Variants in DPEP1 observed in about 807,000 individuals in gnomAD.
DPEP1 encodes beta-lactamase.
A neutral mutation model predicts 42.3 loss-of-function variants in DPEP1; 50 were observed. The ratio of observed to expected loss-of-function variants is 1.18; its 90% CI spans 0.94 to 1.50. The LOEUF (loss-of-function observed/expected upper bound fraction) is 1.50, where lower values mean the gene tolerates loss of function less well. Ranked by LOEUF, DPEP1 falls within the 40% of genes most tolerant of loss-of-function variation. DPEP1 has a pLI of 0.00. For missense variants in DPEP1, 663 were observed against 553.0 expected, an observed-to-expected ratio of 1.20 and a Z score of -1.99; for synonymous variants, 297 against 234.0, an observed-to-expected ratio of 1.27 and a Z score of -2.46.
In DPEP1 at chr16:89,636,872, C is replaced by G; in HGVS notation, c.528C>G (p.Asp176Glu). Reference sequence around the variant, plus strand: ...CTGCCTTTTGCTTCTCCAGGGCTGACAACTGGCTGGTGGACACGGGAGACA... The same window carrying G: ...CTGCCTTTTGCTTCTCCAGGGCTGAGAACTGGCTGGTGGACACGGGAGACA... ...LTHSCNTPWA[D>E]NWLVDTGDSE... Residue 176 changes from aspartate (D) to glutamate (E), a missense_variant, in exon 6 of 11, where the codon GAC (aspartate) becomes GAG (glutamate). Coordinates refer to ENST00000690203, the MANE Select transcript of DPEP1 (RefSeq NM_001389466.1). 5.6e-6 allele frequency: 9 copies of G among 1,612,580 alleles called. No individual in the cohort carries two copies. Among genetic ancestry groups the G allele is most frequent in the Non-Finnish European group, 7.6e-6 (9 of 1,179,928 alleles).
rs1431457452 is a variant in DPEP1, at chr16:89,630,575, GCGGGGCTGGGGGAGC to G, written c.104+77_104+91del. On this transcript the variant is annotated intron_variant, in intron 2 of 10. Transcript: ENST00000690203. The stretch of plus-strand genomic sequence containing the variant: ...AGGACTGGGAACTGGGGCTGGGAGA[GCGGGGCTGGGGGAGC>G]CGGGGCTGGGGGAGCGGGGCTGGGG... The G allele has an allele frequency of 1.4e-4, 83 of 582,356 alleles. 1 individual carries two copies. The African/African-American group carries it at 1.9e-3, about 14-fold the overall frequency. The allele number at this position is 582,356 out of a possible 1,614,324, so 36.1% of individuals were successfully genotyped here. A position where few individuals can be genotyped will look rare whatever the true frequency, so the allele number is the denominator to read the frequency against.
chr16:89,614,577 G>A (rs1170074890), intron 1 of DPEP1, among the ~76,000 whole-genome samples: 4 of 152,210 alleles, frequency 2.6e-5, no homozygotes, highest in Admixed American at 1.3e-4. Context: ...GGCAGATCAT[G>A]AGGTCAGGAG....
chr16:89,636,430 G>C, intron 4 of DPEP1, 34 bp downstream of exon 4: 1 of 1,601,700 alleles, frequency 6.2e-7, no homozygotes, highest in Non-Finnish European at 8.5e-7. Context: ...CAGGTCCTGC[G>C]TCTTCTCACC....
rs745743065 is a variant in DPEP1, at chr16:89,637,626, G to A, written c.854-6G>A. On this transcript the variant is annotated splice_region_variant and splice_polypyrimidine_tract_variant and intron_variant, in intron 8 of 10. Coordinates refer to ENST00000690203, the MANE Select transcript of DPEP1 (RefSeq NM_001389466.1). ...TCGGGACCCATACCTGCTGCTCCCT[G>A]GACAGACCATCTGGATCACATCAAG... The A allele has an allele frequency of 6.2e-6, 10 of 1,612,904 alleles. No individual in the cohort carries two copies. The highest frequency in any genetic ancestry group is 8.5e-6 in the Non-Finnish European group (10 of 1,179,994).
intron 2 of DPEP1, among the ~76,000 whole-genome samples, chr16:89,633,860 A>C (rs2059622555): frequency 6.6e-6 from 1 of 152,036 alleles, no homozygotes; most frequent in South Asian, 2.1e-4. Context: ...CACCCTCACA[A>C]GGCAGTCCCC....
intron 1 of DPEP1, among the ~76,000 whole-genome samples, chr16:89,613,925 C>G (rs574396569): frequency 2.1e-5 from 1 of 46,764 alleles, no homozygotes; most frequent in South Asian, 5.0e-4. Context: ...TTCTAGGAGG[C>G]TGGGACCAGG....
intron 1 of DPEP1, among the ~76,000 whole-genome samples, chr16:89,616,392 C>A (rs74429256): frequency 6.6e-6 from 1 of 152,002 alleles, no homozygotes; most frequent in Non-Finnish European, 1.5e-5. Flanking sequence ...ATCGGACAGA[C>A]GGGCGGAAAG....
At chr16:89,624,294 C>T (rs1003286455) in intron 1 of DPEP1, among the ~76,000 whole-genome samples, 1 of 152,078 alleles carries the variant, frequency 6.6e-6, no homozygotes, top group East Asian at 1.9e-4. Context: ...GCACCAGCGT[C>T]TGCCTTTGGT....
rs765049159 is a variant in DPEP1, at chr16:89,636,938, G to A, written c.591+3G>A. On this transcript the variant is annotated splice_donor_region_variant and intron_variant, in intron 6 of 10. Coordinates refer to ENST00000690203, the MANE Select transcript of DPEP1 (RefSeq NM_001389466.1). ...AAGGCTTGTCACCCTTTGGGCAGGT[G>A]AGTGGGGTGGGAGCGGCCAGTCACC... 1.2e-6 allele frequency: 2 copies of A among 1,612,244 alleles called. No homozygotes were observed. Among genetic ancestry groups the A allele is most frequent in the Admixed American group, 1.7e-5 (1 of 60,004 alleles).
At chr16:89,636,466 C>T (rs2059680435) in intron 4 of DPEP1, 67 bp from the exon 5 acceptor site, 1 of 1,594,574 alleles carries the variant, frequency 6.3e-7, no homozygotes, top group African/African-American at 1.3e-5. Context: ...GCAGCAGGTG[C>T]CGGTCAGGAC....
At chr16:89,614,750 G>A (rs774697483) in intron 1 of DPEP1, among the ~76,000 whole-genome samples, 18 of 152,324 alleles carry the variant, frequency 1.2e-4, no homozygotes, top group South Asian at 2.1e-4. Flanking sequence ...AGCTGAGATC[G>A]TGCCACTGCA....
chr16:89,626,696 ACT>A (rs1219150161), intron 1 of DPEP1, among the ~76,000 whole-genome samples: 1 of 137,342 alleles, frequency 7.3e-6, no homozygotes, highest in Non-Finnish European at 1.6e-5. Context: ...CCCCCCTCAA[ACT>A]CTCTCCCCCG....
At chr16:89,623,680 C>A (rs768867483) in intron 1 of DPEP1, among the ~76,000 whole-genome samples, 4 of 151,994 alleles carry the variant, frequency 2.6e-5, no homozygotes, top group African/African-American at 9.7e-5. Flanking sequence ...ACGAAAGAAC[C>A]GTGCTGGGAG....
At chr16:89,637,015 C>A in intron 6 of DPEP1, 80 bp downstream of exon 6, 1 of 1,574,296 alleles carries the variant, frequency 6.4e-7, no homozygotes, top group Non-Finnish European at 8.6e-7. Flanking sequence ...TGCATCTCCT[C>A]ACGTGGGACC....
rs964908533 is a variant in DPEP1 at position 89,629,548 on chromosome 16, C to T, written c.-106-757C>T. Among the ~76,000 whole-genome samples, 5 of 151,186 alleles carry T rather than the reference C, an allele frequency of 3.3e-5. No homozygotes were observed. The South Asian group carries it at 8.4e-4, about 25-fold the overall frequency. ...CCTCTGACCAGTTTTCCCTCCTGCT[C>T]CTCCCAGCAGGCCTGGTTTAGCCCC... On this transcript the variant is annotated intron_variant, in intron 1 of 10. Transcript: ENST00000690203.
chr16:89,630,472 A>G lies in DPEP1; in HGVS notation c.62A>G (p.Asp21Gly). ...GTCTGCACTGCAGACTTCTTTCGGG[A>G]CGAGGCAGAGAGGATCATGAGGGAC... Reference protein sequence around the residue: ...VAVCTADFFRDEAERIMRDSP... With the variant: ...VAVCTADFFRGEAERIMRDSP... The change falls in exon 2 of 11, where the codon GAC becomes GGC. Residue 21 changes from aspartate to glycine, a missense_variant. Transcript: ENST00000690203. 6.2e-7 allele frequency: 1 copy of G among 1,608,712 alleles called. No homozygotes were observed. The highest frequency in any genetic ancestry group is 1.1e-5 in the South Asian group (1 of 90,732).
At chr16:89,621,368 G>A (rs933108009) in intron 1 of DPEP1, among the ~76,000 whole-genome samples, 14 of 152,064 alleles carry the variant, frequency 9.2e-5, no homozygotes, top group Non-Finnish European at 1.5e-4. Context: ...CGCTGGGAGG[G>A]AGGCGTTGGG....
chr16:89,636,217 G>T, intron 3 of DPEP1, 47 bp from the exon 4 acceptor site: 2 of 1,578,348 alleles, frequency 1.3e-6, no homozygotes, highest in Non-Finnish European at 8.6e-7. Flanking sequence ...CGGGGGGTGG[G>T]CTGAGACCTG....
At chr16:89,637,766 G>A in intron 9 of DPEP1, 59 bp downstream of exon 9, 3 of 1,612,806 alleles carry the variant, frequency 1.9e-6, no homozygotes, top group South Asian at 2.2e-5. Context: ...CCTCGTCAGA[G>A]GGATGAGGTG....
Sources: allele counts gnomAD v4.1 joint callset (sites outside exome capture counted in the v4.1 genomes callset), GRCh38; gene constraint gnomAD v4.1.1; transcripts MANE v1.5; gene names NCBI Gene and HGNC (gene_info 2026-07-23, HGNC 2026-07-21).